The following DPYD variants were observed in gnomAD, a reference collection of about 807,000 sequenced individuals.
DPYD encodes the protein dihydropyrimidine dehydrogenase, also known as dihydropyrimidine dehydrogenase [NADP(+)].
A neutral mutation model predicts 116.2 loss-of-function variants in DPYD; 109 were observed. That is an observed-to-expected ratio of 0.94 (90% CI 0.80 to 1.10). The LOEUF (loss-of-function observed/expected upper bound fraction) is 1.10. Ranked by LOEUF, DPYD falls within the 50% of genes least tolerant of loss-of-function variation. DPYD has a pLI of 0.00. For missense variants in DPYD, 1,302 were observed against 1,254.5 expected (o/e 1.04, Z -0.57); for synonymous variants, 440 against 432.0 (o/e 1.02, Z -0.23).
At chr1:97,489,284 T>C (rs1368088018) in intron 13 of DPYD, among the ~76,000 whole-genome samples, 2 of 152,226 alleles carry the variant, frequency 1.3e-5, no homozygotes, top group East Asian at 3.8e-4. Flanking sequence ...CTCATGTTCC[T>C]ACCTTGAAGT....
intron 13 of DPYD, among the ~76,000 whole-genome samples, chr1:97,457,134 C>T (rs1385907894): frequency 1.3e-5 from 2 of 151,982 alleles, no homozygotes; most frequent in African/African-American, 4.8e-5. Flanking sequence ...CAAAGAAGAG[C>T]ACATTGTTCT....
intron 19 of DPYD, among the ~76,000 whole-genome samples, chr1:97,210,870 A>G (rs977304548): frequency 6.6e-6 from 1 of 152,072 alleles, no homozygotes; most frequent in Non-Finnish European, 1.5e-5. Flanking sequence ...CAACCATTCA[A>G]TCTCTCAGCA....
chr1:97,686,591 C>G (rs1233581113), intron 7 of DPYD, among the ~76,000 whole-genome samples: 3 of 133,772 alleles, frequency 2.2e-5, no homozygotes, highest in Non-Finnish European at 4.7e-5. Context: ...GAGCCGAGAT[C>G]GCGCCACTGC....
At chr1:97,917,238 C>T (rs775219581) in intron 1 of DPYD, among the ~76,000 whole-genome samples, 123 of 152,140 alleles carry the variant, frequency 8.1e-4, no homozygotes, top group Non-Finnish European at 1.4e-3. Context: ...CAATAAACAA[C>T]TCATGGCTTT....
chr1:97,177,874 A>G (rs1374922179), intron 20 of DPYD, among the ~76,000 whole-genome samples: 1 of 152,086 alleles, frequency 6.6e-6, no homozygotes, highest in East Asian at 1.9e-4. Flanking sequence ...GAAGTTCAAG[A>G]TTGAGACGCT....
intron 14 of DPYD, among the ~76,000 whole-genome samples, chr1:97,422,514 C>T (rs916136078): frequency 6.6e-6 from 1 of 151,998 alleles, no homozygotes; most frequent in South Asian, 2.1e-4. Context: ...GTAGAGTAAC[C>T]TTTTTTAGAA....
chr1:97,649,772 GA>G (rs1463810468), intron 8 of DPYD, among the ~76,000 whole-genome samples: 2 of 151,966 alleles, frequency 1.3e-5, no homozygotes, highest in Non-Finnish European at 2.9e-5. Context: ...AATGATGAAA[GA>G]CACTCTTATT....
chr1:97,497,238 T>A (rs1679318167), intron 13 of DPYD, among the ~76,000 whole-genome samples: 2 of 151,980 alleles, frequency 1.3e-5, no homozygotes, highest in South Asian at 4.1e-4. Flanking sequence ...GCTCAAAATT[T>A]AGCTAGGAAT....
intron 12 of DPYD, chr1:97,546,630 G>T: frequency 6.2e-7 from 1 of 1,612,688 alleles, no homozygotes. Context: ...AACAAGAATG[G>T]TGGTGGCTTT....
chr1:97,694,570 G>T (rs1661194887), intron 6 of DPYD, among the ~76,000 whole-genome samples: 1 of 152,022 alleles, frequency 6.6e-6, no homozygotes, highest in African/African-American at 2.4e-5. Flanking sequence ...TATTTATCAT[G>T]CCTAACAGTA....
intron 2 of DPYD, among the ~76,000 whole-genome samples, chr1:97,876,149 C>T (rs1481102490): frequency 6.6e-6 from 1 of 151,996 alleles, no homozygotes; most frequent in Non-Finnish European, 1.5e-5. Context: ...AATAATGCGT[C>T]ATGACTGGTA....
intron 13 of DPYD, among the ~76,000 whole-genome samples, chr1:97,455,426 T>C (rs773133356): frequency 1.1e-4 from 17 of 151,966 alleles, no homozygotes; most frequent in Non-Finnish European, 2.2e-4. Context: ...TTTTACAAAC[T>C]AGGAGTTCAA....
At chr1:97,777,422 C>A (rs1666470670) in intron 3 of DPYD, among the ~76,000 whole-genome samples, 1 of 152,124 alleles carries the variant, frequency 6.6e-6, no homozygotes, top group Non-Finnish European at 1.5e-5. Context: ...CTGTATGTTG[C>A]TTACTTATTA....
intron 18 of DPYD, among the ~76,000 whole-genome samples, chr1:97,304,202 C>T (rs999420108): frequency 1.3e-5 from 2 of 151,972 alleles, no homozygotes; most frequent in Non-Finnish European, 2.9e-5. Context: ...GTGCATGTTA[C>T]AGCCCAACTC....
At chr1:97,173,188 ATG>A (rs1354085561) in intron 20 of DPYD, among the ~76,000 whole-genome samples, 9 of 147,516 alleles carry the variant, frequency 6.1e-5, no homozygotes, top group Non-Finnish European at 1.2e-4. Flanking sequence ...ATACATATAT[ATG>A]TGTATATATG....
chr1:97,176,021 G>A (rs1359621342), intron 20 of DPYD, among the ~76,000 whole-genome samples: 3 of 152,060 alleles, frequency 2.0e-5, no homozygotes, highest in South Asian at 2.1e-4. Context: ...ATGTTCTCTC[G>A]GCAATCCTGT....
At chr1:97,524,671 T>C (rs939430106) in intron 12 of DPYD, among the ~76,000 whole-genome samples, 1 of 152,156 alleles carries the variant, frequency 6.6e-6, no homozygotes, top group Non-Finnish European at 1.5e-5. Flanking sequence ...GCTAATCATC[T>C]CTTCTTTCTT....
At chr1:97,327,202 G>A (rs527729779) in intron 16 of DPYD, among the ~76,000 whole-genome samples, 12 of 151,988 alleles carry the variant, frequency 7.9e-5, no homozygotes, top group African/African-American at 2.4e-4. Flanking sequence ...TTAGCTTTAC[G>A]GTGCTTAAAT....
At chr1:97,753,058 T>C (rs1366931154) in intron 3 of DPYD, among the ~76,000 whole-genome samples, 1 of 152,210 alleles carries the variant, frequency 6.6e-6, no homozygotes, top group Non-Finnish European at 1.5e-5. Context: ...TTAATTTATT[T>C]AGTAGGTATT....
Sources: allele counts gnomAD v4.1 joint callset (sites outside exome capture counted in the v4.1 genomes callset), GRCh38; gene constraint gnomAD v4.1.1; transcripts MANE v1.5; gene names NCBI Gene and HGNC (gene_info 2026-07-23, HGNC 2026-07-21).